DLG2: variants seen among roughly 807,000 people sequenced by gnomAD.
The protein encoded by DLG2 is disks large homolog 2.
In DLG2, 45 loss-of-function variants were observed where a neutral mutation model predicts 132.5. The observed-to-expected ratio is 0.34, with a 90% CI of 0.27 to 0.44. DLG2 has a LOEUF of 0.44. Ranked by LOEUF, DLG2 falls within the 20% of genes least tolerant of loss-of-function variation. DLG2 has a pLI of 1.00. For missense variants in DLG2, 1,045 were observed against 1,196.9 expected (o/e 0.87, Z 1.87); for synonymous variants, 424 against 419.6 (o/e 1.01, Z -0.13).
chr11:84,118,525 G>A (rs1021407465), intron 9 of DLG2, among the ~76,000 whole-genome samples: 1 of 152,100 alleles, frequency 6.6e-6, no homozygotes, highest in South Asian at 2.1e-4. Context: ...AAAGATTTAA[G>A]AACACAATAT....
At chr11:83,966,851 C>T (rs2090316231) in intron 12 of DLG2, among the ~76,000 whole-genome samples, 1 of 151,960 alleles carries the variant, frequency 6.6e-6, no homozygotes, top group African/African-American at 2.4e-5. Context: ...CTTGTTCATC[C>T]TACATATCTG....
chr11:84,411,656 T>C (rs1035487103), intron 7 of DLG2, among the ~76,000 whole-genome samples: 1 of 152,130 alleles, frequency 6.6e-6, no homozygotes, highest in African/African-American at 2.4e-5. Flanking sequence ...GTTAATAGAA[T>C]GAAACACATT....
chr11:84,084,148 G>C (rs1487231317), intron 10 of DLG2, among the ~76,000 whole-genome samples: 2 of 152,288 alleles, frequency 1.3e-5, no homozygotes, highest in Non-Finnish European at 2.9e-5. Flanking sequence ...AGAAAAAGTA[G>C]GTGGAGTTTA....
intron 7 of DLG2, among the ~76,000 whole-genome samples, chr11:84,502,499 G>A (rs1439415506): frequency 1.3e-5 from 2 of 149,672 alleles, no homozygotes; most frequent in South Asian, 2.1e-4. Context: ...AGGTACAAGC[G>A]ATTCTCGTTA....
intron 21 of DLG2, among the ~76,000 whole-genome samples, chr11:83,497,873 T>A (rs2094231609): frequency 6.6e-6 from 1 of 151,906 alleles, no homozygotes. Flanking sequence ...TTTTTCCCAA[T>A]TAACCTTTAC....
chr11:83,644,550 T>C (rs2067554252), intron 18 of DLG2, among the ~76,000 whole-genome samples: 1 of 152,114 alleles, frequency 6.6e-6, no homozygotes, highest in Admixed American at 6.6e-5. Context: ...GCTAAATGTG[T>C]TCCTATTTAT....
At chr11:83,535,549 G>T (rs932359038) in intron 20 of DLG2, among the ~76,000 whole-genome samples, 3 of 151,854 alleles carry the variant, frequency 2.0e-5, no homozygotes, top group Admixed American at 6.6e-5. Flanking sequence ...TCTTAAAATG[G>T]TTGCAAAGAA....
intron 4 of DLG2, among the ~76,000 whole-genome samples, chr11:85,211,810 A>C (rs1157535183): frequency 6.6e-6 from 1 of 152,140 alleles, no homozygotes; most frequent in Admixed American, 6.6e-5. Flanking sequence ...AGCAGTTACC[A>C]AAAGTGTAAT....
chr11:85,544,720 T>C (rs2076193283), intron 3 of DLG2, among the ~76,000 whole-genome samples: 1 of 152,192 alleles, frequency 6.6e-6, no homozygotes, highest in Admixed American at 6.5e-5. Context: ...CCCTTGTAAG[T>C]TGGATTCCTA....
intron 6 of DLG2, among the ~76,000 whole-genome samples, chr11:84,770,333 G>C (rs896387566): frequency 1.3e-5 from 2 of 152,118 alleles, no homozygotes; most frequent in Admixed American, 6.6e-5. Flanking sequence ...TTTAGATTCA[G>C]GGGTACATGT....
chr11:84,500,093 A>T (rs2099198944), intron 7 of DLG2, among the ~76,000 whole-genome samples: 1 of 152,236 alleles, frequency 6.6e-6, no homozygotes, highest in Admixed American at 6.5e-5. Flanking sequence ...AGACACAAGT[A>T]AAAATAAACA....
chr11:84,668,276 A>G (rs1595339415), intron 6 of DLG2, among the ~76,000 whole-genome samples: 1 of 152,238 alleles, frequency 6.6e-6, no homozygotes, highest in East Asian at 1.9e-4. Context: ...GACTCTACTA[A>G]AAAAGTTGCT....
intron 6 of DLG2, among the ~76,000 whole-genome samples, chr11:85,026,572 T>C (rs982455032): frequency 6.6e-6 from 1 of 152,110 alleles, no homozygotes; most frequent in Admixed American, 6.5e-5. Context: ...GCGCGGTAGC[T>C]CACACCTATA....
At chr11:83,463,422 G>A (rs911619553) in intron 26 of DLG2, among the ~76,000 whole-genome samples, 3 of 152,138 alleles carry the variant, frequency 2.0e-5, no homozygotes, top group Admixed American at 6.5e-5. Context: ...GATGTTACTC[G>A]TGGGTGGAGA....
At chr11:84,560,375 C>A (rs983790504) in intron 6 of DLG2, among the ~76,000 whole-genome samples, 1 of 152,024 alleles carries the variant, frequency 6.6e-6, no homozygotes, top group Non-Finnish European at 1.5e-5. Context: ...TACAAATGAC[C>A]AAGCAAGAGA....
intron 4 of DLG2, among the ~76,000 whole-genome samples, chr11:85,194,761 C>A (rs932296623): frequency 1.3e-5 from 2 of 152,028 alleles, no homozygotes; most frequent in Non-Finnish European, 2.9e-5. Flanking sequence ...AAACTCATAC[C>A]GATTGGGATG....
At position 84,579,188 on chromosome 11, in the gene DLG2, C is replaced by CAT. The variant is rs1555057731; in HGVS notation, c.358-44458_358-44457insAT. On this transcript the variant is annotated intron_variant, in intron 6 of 27. Transcript: ENST00000376104. ...GAACTAATACACCTTGCATTATTCA[C>CAT]GTGTGTGTGTGTGTGTGTGTGTGTG... Among the ~76,000 whole-genome samples, 29 of 145,698 alleles carry CAT rather than the reference C, an allele frequency of 2.0e-4. No individual in the cohort carries two copies. In the South Asian group the frequency reaches 2.7e-3, roughly 13 times the overall value.
chr11:83,986,933 T>G (rs894674542), intron 11 of DLG2, among the ~76,000 whole-genome samples: 29 of 152,302 alleles, frequency 1.9e-4, no homozygotes, highest in Non-Finnish European at 3.8e-4. Context: ...TAAATTTGTT[T>G]GAGTTCATTG....
intron 4 of DLG2, among the ~76,000 whole-genome samples, chr11:85,246,395 C>A (rs142386940): frequency 1.5e-4 from 23 of 151,952 alleles, no homozygotes; most frequent in African/African-American, 4.8e-4. Context: ...GAAATATGAA[C>A]CTTGAATTCC....
Sources: gnomAD v4.1 joint callset for allele counts (sites outside exome capture counted in the v4.1 genomes callset) on GRCh38, gnomAD v4.1.1 for gene constraint, MANE v1.5 for transcripts, NCBI Gene and HGNC (gene_info 2026-07-23, HGNC 2026-07-21) for gene names.